The following GLI2 variants were observed in gnomAD, a reference collection of about 807,000 sequenced individuals.
GLI2 encodes the protein transcription activator GLI2.
GLI2 carries 22 observed loss-of-function variants against 78.9 expected under a neutral mutation model. The observed-to-expected ratio is 0.28, with a 90% confidence interval of 0.20 to 0.40. The LOEUF is 0.40. GLI2 is among the 10% of genes least tolerant of loss of function. GLI2 has a pLI of 1.00. For missense variants in GLI2, 2,097 were observed against 2,213.2 expected, an observed-to-expected ratio of 0.95 and a Z score of 1.05; for synonymous variants, 974 against 963.7, an observed-to-expected ratio of 1.01 and a Z score of -0.20.
chr2:120,932,304 C>G (rs557383605), intron 3 of GLI2, among the ~76,000 whole-genome samples: 1 of 152,146 alleles, frequency 6.6e-6, no homozygotes, highest in Non-Finnish European at 1.5e-5. Context: ...GTGACCATTT[C>G]GTGGGTGTGC....
intron 2 of GLI2, among the ~76,000 whole-genome samples, chr2:120,918,404 T>G (rs17005388): frequency 6.6e-6 from 1 of 151,948 alleles, no homozygotes; most frequent in Non-Finnish European, 1.5e-5. Context: ...TATGACTTAT[T>G]AGGGGTTTCT....
chr2:120,802,198 G>T (rs926234621), intron 2 of GLI2, among the ~76,000 whole-genome samples: 7 of 152,188 alleles, frequency 4.6e-5, no homozygotes, highest in African/African-American at 1.7e-4. Context: ...ACCTGTTGGG[G>T]GCTGGGTGTT....
At chr2:120,946,100 T>C (rs1193223775) in intron 3 of GLI2, among the ~76,000 whole-genome samples, 1 of 152,156 alleles carries the variant, frequency 6.6e-6, no homozygotes, top group Non-Finnish European at 1.5e-5. Context: ...TCACCTTCTC[T>C]GAGAAGCCTT....
At chr2:120,971,133 A>G (rs1304648988) in intron 7 of GLI2, among the ~76,000 whole-genome samples, 1 of 152,206 alleles carries the variant, frequency 6.6e-6, no homozygotes, top group Non-Finnish European at 1.5e-5. Context: ...CAGTCAGACC[A>G]TCTTTGGGAT....
Position 120,955,231 on chromosome 2 carries a change from C to T in GLI2, c.458-14C>T, listed in dbSNP as rs767969473. On this transcript the variant is annotated splice_polypyrimidine_tract_variant and intron_variant, in intron 4 of 13. Transcript: ENST00000361492. Reference sequence around the variant, plus strand: ...CAGGTTCTGACGGCTTCTTTCTCTCCCCTCTGCCCACAGTGGCCCAGGAGC... The same window carrying T: ...CAGGTTCTGACGGCTTCTTTCTCTCTCCTCTGCCCACAGTGGCCCAGGAGC... 3 of 1,554,484 alleles carry T rather than the reference C, an allele frequency of 1.9e-6. No individual in the cohort carries two copies. In the South Asian group the frequency reaches 3.3e-5, roughly 17 times the overall value.
intron 1 of GLI2, among the ~76,000 whole-genome samples, chr2:120,780,659 A>G (rs1380012464): frequency 6.6e-6 from 1 of 152,170 alleles, no homozygotes; most frequent in African/African-American, 2.4e-5. Flanking sequence ...CCACTACACT[A>G]CAGACACAGC....
chr2:120,772,046 C>T (rs1003967610), intron 1 of GLI2, among the ~76,000 whole-genome samples: 3 of 152,150 alleles, frequency 2.0e-5, no homozygotes, highest in African/African-American at 7.2e-5. Flanking sequence ...CATTGCCTAA[C>T]GCACACAGAT....
At position 120,991,249 on chromosome 2, in the gene GLI2, AT is replaced by A. The variant is rs897000124; in HGVS notation, c.*576del. 2.0e-5 allele frequency: 3 copies of A among 152,936 alleles called. No homozygotes were observed. The highest frequency in any genetic ancestry group is 7.2e-5 in the African/African-American group (3 of 41,450). The allele number at this position is 152,936 out of a possible 1,614,324, so 9.5% of individuals were successfully genotyped here. On this transcript the variant is annotated 3_prime_UTR_variant, in exon 14 of 14. Coordinates refer to ENST00000361492, the MANE Select transcript of GLI2 (RefSeq NM_001374353.1). ...CTGGATGATTCAGGAGCACATTCTG[AT>A]TCCAGGTTTGGTAGAGCTGGCTCTT...
intron 1 of GLI2, among the ~76,000 whole-genome samples, chr2:120,757,643 T>A (rs1184284815): frequency 6.6e-6 from 1 of 152,216 alleles, no homozygotes; most frequent in Admixed American, 6.5e-5. Context: ...TCACCAATGT[T>A]CCCCTTCTGT....
chr2:120,807,423 A>G (rs1685012467), intron 2 of GLI2, among the ~76,000 whole-genome samples: 1 of 152,144 alleles, frequency 6.6e-6, no homozygotes, highest in Non-Finnish European at 1.5e-5. Context: ...TTCAGCTGTT[A>G]GTATTATGGT....
At chr2:120,929,044 C>G (rs540195743) in intron 3 of GLI2, among the ~76,000 whole-genome samples, 1 of 152,272 alleles carries the variant, frequency 6.6e-6, no homozygotes, top group South Asian at 2.1e-4. Context: ...TCCTTAGTCT[C>G]TTTTGTCTTT....
intron 5 of GLI2, among the ~76,000 whole-genome samples, chr2:120,959,356 G>A (rs531760027): frequency 2.0e-5 from 3 of 152,306 alleles, no homozygotes; most frequent in South Asian, 2.1e-4. Context: ...AGTATGGGGT[G>A]GGGGTGGGAG....
chr2:120,778,531 C>T (rs575967253), intron 1 of GLI2, among the ~76,000 whole-genome samples: 7 of 152,308 alleles, frequency 4.6e-5, no homozygotes, highest in Admixed American at 3.9e-4. Flanking sequence ...AGGGCAGGTG[C>T]TGTGCCTGAG....
rs57311162 is a variant in GLI2 at position 120,859,452 on chromosome 2, CTTTTTTTT to C, written c.148+62000_148+62007del. On this transcript the variant is annotated intron_variant, in intron 2 of 13. Transcript: ENST00000361492. The stretch of plus-strand genomic sequence containing the variant: ...ACAACAGCCCTACAGATACTCCCTC[CTTTTTTTT>C]TTTTTTTTTTTTTTTGACAGAGTCT... 1.8e-3 allele frequency among the ~76,000 whole-genome samples: 226 copies of C among 125,504 alleles called. 2 individuals are homozygous for C. Among genetic ancestry groups the C allele is most frequent in the African/African-American group, 5.5e-3 (175 of 31,982 alleles). 82.3% of individuals were successfully genotyped at this position (125,504 alleles called of 152,430 possible).
chr2:120,977,408 T>C (rs75642568), intron 9 of GLI2, among the ~76,000 whole-genome samples: 1 of 152,230 alleles, frequency 6.6e-6, no homozygotes, highest in Admixed American at 6.5e-5. Context: ...TTCTTTTTTT[T>C]CCATTCTAAG....
Position 120,990,788 on chromosome 2 carries a change from T to C in GLI2, c.*113T>C, listed in dbSNP as rs1256575074. ...AAAGTGTTAAATAGGCTTGAGGGGT[T>C]GTTGCGCAATGGCCGCTTCAGATGA... On this transcript the variant is annotated 3_prime_UTR_variant, in exon 14 of 14. Transcript: ENST00000361492. 1 of 803,172 alleles carries C rather than the reference T, an allele frequency of 1.2e-6. No individual in the cohort carries two copies. Among genetic ancestry groups the C allele is most frequent in the Non-Finnish European group, 2.0e-6 (1 of 508,490 alleles). 49.8% of individuals were successfully genotyped at this position (803,172 alleles called of 1,614,324 possible).
chr2:120,899,944 C>T (rs1169982875), intron 2 of GLI2, among the ~76,000 whole-genome samples: 1 of 152,242 alleles, frequency 6.6e-6, no homozygotes, highest in Non-Finnish European at 1.5e-5. Context: ...CCTGTTACTG[C>T]TGAGCCCCAA....
chr2:120,949,255 G>A (rs1197070526), intron 3 of GLI2, among the ~76,000 whole-genome samples: 2 of 152,230 alleles, frequency 1.3e-5, no homozygotes, highest in Non-Finnish European at 2.9e-5. Flanking sequence ...CCCATGCAGA[G>A]GCACCCACCT....
intron 1 of GLI2, among the ~76,000 whole-genome samples, chr2:120,785,867 C>T (rs1365365206): frequency 1.3e-5 from 2 of 152,242 alleles, no homozygotes; most frequent in Non-Finnish European, 2.9e-5. Flanking sequence ...TGGTTAACTG[C>T]AACCAACTGC....
Sources: allele counts gnomAD v4.1 joint callset (sites outside exome capture counted in the v4.1 genomes callset), GRCh38; gene constraint gnomAD v4.1.1; transcripts MANE v1.5; gene names NCBI Gene and HGNC (gene_info 2026-07-23, HGNC 2026-07-21).